LARP1: variants seen among roughly 807,000 people sequenced by gnomAD.
The protein encoded by LARP1 is la-related protein 1.
A neutral mutation model predicts 122.7 loss-of-function variants in LARP1; 36 were observed. The ratio of observed to expected loss-of-function variants is 0.29; its 90% confidence interval spans 0.22 to 0.39. LARP1 has a LOEUF of 0.39. LARP1 is among the 10% of genes least tolerant of loss of function. LARP1 has a pLI of 1.00. For synonymous variants in LARP1, 539 were observed against 528.7 expected (o/e 1.02, Z -0.27); for missense variants, 1,040 against 1,403.6 (o/e 0.74, Z 4.14).
intron 1 of LARP1, among the ~76,000 whole-genome samples, chr5:154,745,514 A>G (rs1753143554): frequency 6.6e-6 from 1 of 152,226 alleles, no homozygotes; most frequent in Non-Finnish European, 1.5e-5. Context: ...CCTCAGGGGT[A>G]GGTGCTATTA....
At chr5:154,685,951 C>A in intron 1 of LARP1, 1 of 475,112 alleles carries the variant, frequency 2.1e-6, no homozygotes, top group Non-Finnish European at 4.0e-6. Flanking sequence ...TCCTCCTTTG[C>A]CTGGATTAAG....
chr5:154,774,760 C>T (rs1159726456), intron 1 of LARP1, among the ~76,000 whole-genome samples: 2 of 152,092 alleles, frequency 1.3e-5, no homozygotes, highest in South Asian at 4.2e-4. Context: ...CTTTGGAGAT[C>T]CTAGACTTGA....
chr5:154,778,119 G>T (rs1007643155), intron 1 of LARP1, among the ~76,000 whole-genome samples: 2 of 152,002 alleles, frequency 1.3e-5, no homozygotes, highest in African/African-American at 4.8e-5. Flanking sequence ...AATTAGCTGG[G>T]CGTGGTGGTG....
chr5:154,792,762 T>A lies in LARP1; in HGVS notation c.705T>A (p.Asp235Glu). The change falls in exon 4 of 19, where the codon GAT becomes GAA. Residue 235 changes from aspartate to glutamate, a missense_variant. Transcript: ENST00000518297. Reference protein sequence around the residue: ...SDESGEEKNGDEDCQRGGQKK... With the variant: ...SDESGEEKNGEEDCQRGGQKK... ...AATCAGGGGAGGAAAAGAATGGAGA[T>A]GAGGATTGCCAGCGAGGCGGGCAGA... The A allele has an allele frequency of 1.2e-6, 2 of 1,613,846 alleles. No homozygotes were observed. The highest frequency in any genetic ancestry group is 2.2e-5 in the East Asian group (1 of 44,856).
chr5:154,777,642 A>G (rs1030381992), intron 1 of LARP1, among the ~76,000 whole-genome samples: 1 of 152,206 alleles, frequency 6.6e-6, no homozygotes, highest in African/African-American at 2.4e-5. Context: ...AAAATGGCAC[A>G]CTGACTATAG....
Position 154,799,876 on chromosome 5 carries a change from C to T in LARP1, c.1550C>T (p.Ser517Leu), listed in dbSNP as rs913984854. 7 of 1,613,382 alleles carry T rather than the reference C, an allele frequency of 4.3e-6. No individual in the cohort carries two copies. The highest frequency in any genetic ancestry group is 1.1e-5 in the South Asian group (1 of 90,974). The stretch of plus-strand genomic sequence containing the variant: ...ACTTCCCCTTTCCACCCTTTAGAGT[C>T]GGCACCTGGCTCTCCTCGTGCAGTC... ...PRQHYQKETE[S>L]APGSPRAVTP... Residue 517 changes from serine (S) to leucine (L), a missense_variant, in exon 10 of 19, where the codon TCG (serine) becomes TTG (leucine). Ser to Leu is a moderately radical substitution (Grantham distance 145). Transcript: ENST00000518297.
chr5:154,800,836 C>T (rs888290548), intron 10 of LARP1, among the ~76,000 whole-genome samples: 4 of 152,188 alleles, frequency 2.6e-5, no homozygotes, highest in African/African-American at 9.7e-5. Context: ...CAGTGATTAC[C>T]TCTCATCTCC....
Position 154,790,357 on chromosome 5 carries a change from G to A in LARP1, c.469G>A (p.Ala157Thr). The stretch of plus-strand genomic sequence containing the variant: ...TGCTCCAGCCAAGGTGGTGAGGGCA[G>A]CTGTTCCTAAACAGCGCAAAGGCAG... ...HSAPAKVVRA[A>T]VPKQRKGSKV... The change falls in exon 2 of 19, where the codon GCT becomes ACT. Residue 157 changes from alanine to threonine, a missense_variant. This residue lies in a region of LARP1 where 257 missense variants were observed against 273.3 expected (regional missense o/e 0.94). Transcript: ENST00000518297. 1.2e-6 allele frequency: 2 copies of A among 1,613,744 alleles called. No individual in the cohort carries two copies. Among genetic ancestry groups the A allele is most frequent in the Non-Finnish European group, 1.7e-6 (2 of 1,179,828 alleles).
At chr5:154,728,130 T>TA (rs1246536105) in intron 1 of LARP1, among the ~76,000 whole-genome samples, 1 of 152,148 alleles carries the variant, frequency 6.6e-6, no homozygotes, top group Non-Finnish European at 1.5e-5. Context: ...AGTTGTAATA[T>TA]AAGTATGAAT....
In LARP1 at chr5:154,690,898, A is replaced by G. The variant is rs573047743; in HGVS notation, c.-180+7861A>G. On this transcript the variant is annotated intron_variant, in intron 1 of 18. Transcript: ENST00000687700. ...CCCCGGATTCCCCGGAGTATTCGGCATCCCAGCCGCCGGTCCTCAGCCACA... is the reference window on the plus strand; with the variant it reads ...CCCCGGATTCCCCGGAGTATTCGGCGTCCCAGCCGCCGGTCCTCAGCCACA... Among the ~76,000 whole-genome samples the G allele has an allele frequency of 3.9e-5, 6 of 152,356 alleles. No homozygotes were observed. The South Asian group carries it at 1.2e-3, about 32-fold the overall frequency.
At chr5:154,778,353 C>T (rs1247933831) in intron 1 of LARP1, among the ~76,000 whole-genome samples, 1 of 151,262 alleles carries the variant, frequency 6.6e-6, no homozygotes, top group African/African-American at 2.4e-5. Flanking sequence ...AGTTGAAACT[C>T]ATTAGGTTAC....
At chr5:154,746,947 C>T (rs1386293947) in intron 1 of LARP1, among the ~76,000 whole-genome samples, 1 of 152,106 alleles carries the variant, frequency 6.6e-6, no homozygotes. Context: ...CCAGCCTGAC[C>T]AACATGGTGA....
chr5:154,805,841 G>C (rs1561630349), intron 14 of LARP1, 40 bp from the exon 15 acceptor site: 2 of 1,600,286 alleles, frequency 1.2e-6, no homozygotes, highest in South Asian at 1.1e-5. Context: ...TGGGGCTGCT[G>C]TGGGGAACCT....
chr5:154,773,452 C>T lies in LARP1; in HGVS notation c.437-16873C>T, dbSNP rs189753481. On this transcript the variant is annotated intron_variant, in intron 1 of 18. Coordinates refer to ENST00000518297, the MANE Select transcript of LARP1 (RefSeq NM_033551.3). ...TACCTGTGAGCCCTCCACTCTTTCC[C>T]TGCCCTCTGCAGGCACGCTGGGGTT... 9.8e-5 allele frequency among the ~76,000 whole-genome samples: 15 copies of T among 152,308 alleles called. No individual in the cohort carries two copies. In the East Asian group the frequency reaches 2.3e-3, roughly 24 times the overall value.
At chr5:154,799,826 C>T in intron 9 of LARP1, 47 bp from the exon 10 acceptor site, 2 of 1,610,846 alleles carry the variant, frequency 1.2e-6, no homozygotes. Context: ...GGGCTGGCAT[C>T]AGGAGGAGGA....
At chr5:154,801,015 C>T (rs955890999) in intron 10 of LARP1, among the ~76,000 whole-genome samples, 1 of 152,176 alleles carries the variant, frequency 6.6e-6, no homozygotes, top group African/African-American at 2.4e-5. Flanking sequence ...TCAGACTTAG[C>T]TCCCATTCCA....
At chr5:154,780,750 G>T (rs1456232795) in intron 1 of LARP1, among the ~76,000 whole-genome samples, 1 of 152,180 alleles carries the variant, frequency 6.6e-6, no homozygotes, top group Non-Finnish European at 1.5e-5. Flanking sequence ...GATGCCCTAA[G>T]ATTGGAAGGA....
At chr5:154,747,156 A>T (rs1000665681) in intron 1 of LARP1, among the ~76,000 whole-genome samples, 1 of 151,914 alleles carries the variant, frequency 6.6e-6, no homozygotes, top group Admixed American at 6.6e-5. Context: ...AAAACCAAAC[A>T]TTAGCCGGGT....
At chr5:154,733,877 T>C (rs1756730936) in intron 1 of LARP1, among the ~76,000 whole-genome samples, 2 of 152,124 alleles carry the variant, frequency 1.3e-5, no homozygotes, top group South Asian at 4.1e-4. Context: ...CCTCTATTTT[T>C]TTGTCTGTAG....
Sources: gnomAD v4.1 joint callset for allele counts (sites outside exome capture counted in the v4.1 genomes callset) on GRCh38, gnomAD v4.1.1 for gene constraint, gnomAD v4.1.1 regional missense constraint, MANE v1.5 for transcripts, NCBI Gene and HGNC (gene_info 2026-07-23, HGNC 2026-07-21) for gene names.